The following PUM1 variants were observed in gnomAD, a reference collection of about 807,000 sequenced individuals.
PUM1 encodes pumilio RNA binding family member 1, also known as pumilio homolog 1.
Under a neutral mutation model 131.8 loss-of-function variants are expected in PUM1, and 13 were observed. The observed-to-expected ratio is 0.10, with a 90% confidence interval of 0.06 to 0.16. PUM1 has a LOEUF of 0.16. Ranked by LOEUF, PUM1 falls within the 10% of genes least tolerant of loss-of-function variation. PUM1 has a pLI of 1.00. For synonymous variants in PUM1, 509 were observed against 556.5 expected, an observed-to-expected ratio of 0.91 and a Z score of 1.20; for missense variants, 961 against 1,512.4, an observed-to-expected ratio of 0.64 and a Z score of 6.05.
chr1:30,956,260 T>G (rs1640162196), intron 14 of PUM1, among the ~76,000 whole-genome samples: 1 of 152,090 alleles, frequency 6.6e-6, no homozygotes, highest in Non-Finnish European at 1.5e-5. Flanking sequence ...TGTTTTTTTT[T>G]GTTTTGTTTT....
At position 30,952,256 on chromosome 1, in the gene PUM1, T is replaced by A; in HGVS notation, c.2699A>T (p.Tyr900Phe). 1 of 1,614,066 alleles carries A rather than the reference T, an allele frequency of 6.2e-7. No homozygotes were observed. The highest frequency in any genetic ancestry group is 8.5e-7 in the Non-Finnish European group (1 of 1,179,932). Residue 900 changes from tyrosine (Y) to phenylalanine (F), a missense_variant, in exon 16 of 22, where the codon TAC (tyrosine) becomes TTC (phenylalanine). Tyr to Phe is a conservative substitution (Grantham distance 22, BLOSUM62 3). This residue lies in a region of PUM1 where 12 missense variants were observed against 60.3 expected (regional missense o/e 0.20). Coordinates refer to ENST00000426105, the MANE Select transcript of PUM1 (RefSeq NM_001020658.2). Reference protein sequence around the residue: ...YQLMVDVFGNYVIQKFFEFGS... With the variant: ...YQLMVDVFGNFVIQKFFEFGS... The stretch of plus-strand genomic sequence containing the variant: ...TACTTCAAAGAACTTCTGAATGACG[T>A]AATTACCAAACACATCCACCATGAG...
At chr1:31,046,179 G>T (rs1031061839) in intron 2 of PUM1, among the ~76,000 whole-genome samples, 1 of 152,076 alleles carries the variant, frequency 6.6e-6, no homozygotes, top group Non-Finnish European at 1.5e-5. Flanking sequence ...CTGAGGTCGG[G>T]AGGTCGAAAC....
chr1:31,052,211 AC>A (rs1351690931), intron 2 of PUM1, among the ~76,000 whole-genome samples: 1 of 151,452 alleles, frequency 6.6e-6, no homozygotes, highest in African/African-American at 2.4e-5. Context: ...ACAGGGTTTC[AC>A]CGTGTTAGCC....
chr1:30,952,998 CAAAACAAA>C (rs1336504118), intron 15 of PUM1, among the ~76,000 whole-genome samples: 1 of 150,124 alleles, frequency 6.7e-6, no homozygotes, highest in Non-Finnish European at 1.5e-5. Flanking sequence ...CAAAACAAAA[CAAAACAAA>C]AAAACAAAAA....
intron 2 of PUM1, among the ~76,000 whole-genome samples, chr1:31,051,613 AT>A (rs10555480): frequency 0.7 from 105,229 of 150,064 alleles, 38,731 homozygotes; most frequent in Middle Eastern, 0.83. Flanking sequence ...TCACCCACTG[AT>A]TTTTTTTTTT....
chr1:31,016,818 C>T (rs1642835640), intron 3 of PUM1, among the ~76,000 whole-genome samples: 1 of 152,114 alleles, frequency 6.6e-6, no homozygotes, highest in Admixed American at 6.5e-5. Flanking sequence ...ATCTAATATA[C>T]TGCTTTTAAA....
intron 17 of PUM1, among the ~76,000 whole-genome samples, chr1:30,945,834 A>G (rs1356317921): frequency 1.1e-4 from 16 of 152,058 alleles, no homozygotes; most frequent in Admixed American, 9.8e-4. Context: ...TACCCAGGCT[A>G]GAGTACAGTG....
chr1:31,020,629 T>C (rs936535939), intron 3 of PUM1, among the ~76,000 whole-genome samples: 2 of 152,066 alleles, frequency 1.3e-5, no homozygotes, highest in African/African-American at 4.8e-5. Context: ...CAAAGAATAC[T>C]CCACATCAAG....
chr1:31,042,578 C>T (rs2124572577), intron 2 of PUM1, among the ~76,000 whole-genome samples: 1 of 152,296 alleles, frequency 6.6e-6, no homozygotes, highest in East Asian at 1.9e-4. Context: ...GCAGACCAAG[C>T]TCTTAACAGA....
At chr1:30,954,883 A>G (rs538966943) in intron 14 of PUM1, among the ~76,000 whole-genome samples, 11 of 152,092 alleles carry the variant, frequency 7.2e-5, no homozygotes, top group African/African-American at 2.7e-4. Context: ...GACAACAGAG[A>G]GAGACCCCAT....
chr1:31,016,482 T>C (rs1270894377), intron 3 of PUM1, among the ~76,000 whole-genome samples: 2 of 152,186 alleles, frequency 1.3e-5, no homozygotes, highest in Non-Finnish European at 2.9e-5. Flanking sequence ...CATTTATATA[T>C]ATGTATATAT....
chr1:31,021,643 A>T (rs1643030754), intron 3 of PUM1, among the ~76,000 whole-genome samples: 1 of 152,186 alleles, frequency 6.6e-6, no homozygotes, highest in South Asian at 2.1e-4. Flanking sequence ...TCCAGCATGC[A>T]AAAGATAAAG....
intron 13 of PUM1, 58 bp downstream of exon 13, chr1:30,965,924 G>A: frequency 6.6e-7 from 1 of 1,523,392 alleles, no homozygotes; most frequent in Non-Finnish European, 8.9e-7. Flanking sequence ...CAGTATTCCA[G>A]AAGGATTGTA....
chr1:31,018,911 CA>C (rs1642920721), intron 3 of PUM1, among the ~76,000 whole-genome samples: 1 of 152,120 alleles, frequency 6.6e-6, no homozygotes, highest in South Asian at 2.1e-4. Context: ...CAAACAGATC[CA>C]AATGTGTGCA....
At chr1:31,045,813 G>A (rs532630039) in intron 2 of PUM1, among the ~76,000 whole-genome samples, 4 of 152,242 alleles carry the variant, frequency 2.6e-5, no homozygotes, top group African/African-American at 9.6e-5. Flanking sequence ...TGAGCCCACT[G>A]GCTCACATCT....
At chr1:31,053,634 T>A (rs543079218) in intron 2 of PUM1, among the ~76,000 whole-genome samples, 1 of 151,898 alleles carries the variant, frequency 6.6e-6, no homozygotes, top group East Asian at 2.0e-4. Context: ...CCACCATGCC[T>A]GGCTAATTTC....
At chr1:31,065,543 C>A (rs926761691) in intron 1 of PUM1, 73 bp downstream of exon 1, 54 of 1,508,042 alleles carry the variant, frequency 3.6e-5, no homozygotes, top group Non-Finnish European at 4.2e-5. Flanking sequence ...CTCTCAAACA[C>A]CAATATGAAG....
chr1:31,043,577 C>G (rs1643888645), intron 2 of PUM1, among the ~76,000 whole-genome samples: 1 of 151,924 alleles, frequency 6.6e-6, no homozygotes, highest in South Asian at 2.1e-4. Context: ...ATGAACTGTC[C>G]CCTTGTTAAA....
chr1:31,025,775 C>CAA (rs1235717930), intron 3 of PUM1, among the ~76,000 whole-genome samples: 1 of 151,942 alleles, frequency 6.6e-6, no homozygotes, highest in African/African-American at 2.4e-5. Flanking sequence ...AGGCTGGTCT[C>CAA]AAACTCCTGA....
Sources: allele counts gnomAD v4.1 joint callset (sites outside exome capture counted in the v4.1 genomes callset), GRCh38; gene constraint gnomAD v4.1.1; regional missense constraint gnomAD v4.1.1; transcripts MANE v1.5; gene names NCBI Gene and HGNC (gene_info 2026-07-23, HGNC 2026-07-21).